The following PPP2R5E variants were observed in gnomAD, a reference collection of about 807,000 sequenced individuals.
PPP2R5E encodes protein phosphatase 2 regulatory subunit B'epsilon.
In PPP2R5E, 4 loss-of-function variants were observed where a neutral mutation model predicts 65.3. The ratio of observed to expected loss-of-function variants is 0.06; its 90% CI spans 0.03 to 0.14. The LOEUF (loss-of-function observed/expected upper bound fraction) is 0.14, where lower values mean the gene tolerates loss of function less well. PPP2R5E is among the 10% of genes least tolerant of loss of function. The probability of loss-of-function intolerance (pLI) is 1.00; values close to 1 mark genes in which losing one functional copy is unlikely to be tolerated. For missense variants in PPP2R5E, 274 were observed against 556.1 expected (o/e 0.49, Z 5.10); for synonymous variants, 183 against 187.4 (o/e 0.98, Z 0.19).
At chr14:63,424,607 C>A (rs1001614502) in intron 3 of PPP2R5E, among the ~76,000 whole-genome samples, 1 of 151,924 alleles carries the variant, frequency 6.6e-6, no homozygotes, top group African/African-American at 2.4e-5. Context: ...AAAAATTAGC[C>A]GGGTGTGGTG....
At chr14:63,490,144 T>C (rs1594934504) in intron 2 of PPP2R5E, among the ~76,000 whole-genome samples, 1 of 152,200 alleles carries the variant, frequency 6.6e-6, no homozygotes, top group Non-Finnish European at 1.5e-5. Context: ...TAGCAGCCAC[T>C]AGCCACATAT....
intron 3 of PPP2R5E, among the ~76,000 whole-genome samples, chr14:63,428,218 T>C (rs187798695): frequency 1.1e-3 from 162 of 152,272 alleles, no homozygotes; most frequent in African/African-American, 3.7e-3. Context: ...CTTCCTCACA[T>C]CCCTTCTTTT....
chr14:63,420,770 A>AACCATGAATACATTTCTAC (rs1594854351), intron 4 of PPP2R5E, among the ~76,000 whole-genome samples: 1 of 144,576 alleles, frequency 6.9e-6, no homozygotes, highest in African/African-American at 2.8e-5. Context: ...AGTCAACCTG[A>AACCATGAATACATTTCTAC]GGCCGGGCGC....
chr14:63,525,199 T>C (rs541023120), intron 2 of PPP2R5E, among the ~76,000 whole-genome samples: 10 of 152,210 alleles, frequency 6.6e-5, no homozygotes, highest in Non-Finnish European at 7.3e-5. Flanking sequence ...TGCTAACCTA[T>C]TTCTTTACCA....
chr14:63,436,393 C>CA (rs1428014689), intron 3 of PPP2R5E, among the ~76,000 whole-genome samples: 1 of 152,090 alleles, frequency 6.6e-6, no homozygotes, highest in Non-Finnish European at 1.5e-5. Flanking sequence ...ATTGAAATCA[C>CA]AAAAAATAAA....
chr14:63,519,896 G>C (rs941769718), intron 2 of PPP2R5E, among the ~76,000 whole-genome samples: 2 of 149,900 alleles, frequency 1.3e-5, no homozygotes, highest in East Asian at 4.0e-4. Context: ...TCCTGACCTC[G>C]TGATCCGCCC....
intron 5 of PPP2R5E, among the ~76,000 whole-genome samples, chr14:63,408,161 T>A (rs1337661690): frequency 6.6e-6 from 1 of 152,204 alleles, no homozygotes; most frequent in East Asian, 1.9e-4. Flanking sequence ...TATTTCACTA[T>A]ATGAATGTCC....
rs1331044838 is a variant in PPP2R5E at position 63,508,254 on chromosome 14, G to A, written c.157+31275C>T. 28 of 983,088 alleles carry A rather than the reference G, an allele frequency of 2.8e-5. No homozygotes were observed. In the South Asian group the frequency reaches 5.2e-4, roughly 18 times the overall value. The allele number at this position is 983,088 out of a possible 1,614,324, so 60.9% of individuals were successfully genotyped here. A position where few individuals can be genotyped will look rare whatever the true frequency, so the allele number is the denominator to read the frequency against. On this transcript the variant is annotated intron_variant, in intron 2 of 13. Coordinates refer to ENST00000337537, the MANE Select transcript of PPP2R5E (RefSeq NM_006246.5). ...ACAAATGCTTTCCTCTCTAAACCACGCGGCTCACTTGTTTACCCCAATGCT... is the reference window on the plus strand; with the variant it reads ...ACAAATGCTTTCCTCTCTAAACCACACGGCTCACTTGTTTACCCCAATGCT...
rs397814218 is a variant in PPP2R5E at position 63,399,366 on chromosome 14, C to CTTTTTTTTTTTTT, written c.550-2663_550-2651dup. Among the ~76,000 whole-genome samples the CTTTTTTTTTTTTT allele has an allele frequency of 3.3e-4, 16 of 48,506 alleles. 2 individuals carry two copies. Among genetic ancestry groups the CTTTTTTTTTTTTT allele is most frequent in the African/African-American group, 4.2e-4 (5 of 12,000 alleles). 31.8% of individuals were successfully genotyped at this position (48,506 alleles called of 152,430 possible). On this transcript the variant is annotated intron_variant, in intron 5 of 13. Coordinates refer to ENST00000337537, the MANE Select transcript of PPP2R5E (RefSeq NM_006246.5). ...GCTACTAATAGGTCTGGATTTCTTTCTTTTTTTTTTTTTTTTTTTTTTTTT... is the reference window on the plus strand; with the variant it reads ...GCTACTAATAGGTCTGGATTTCTTTCTTTTTTTTTTTTTTTTTTTTTTTTTTTTTTTTTTTTTT...
At chr14:63,444,126 C>G (rs1367314665) in intron 3 of PPP2R5E, among the ~76,000 whole-genome samples, 1 of 152,218 alleles carries the variant, frequency 6.6e-6, no homozygotes, top group Admixed American at 6.5e-5. Context: ...ACATCCACAT[C>G]TTCAGCTGCC....
intron 11 of PPP2R5E, among the ~76,000 whole-genome samples, chr14:63,386,255 C>T (rs12432261): frequency 0.038 from 5,846 of 152,224 alleles, 234 homozygotes; most frequent in East Asian, 0.12. Context: ...ACAATCATTA[C>T]TGCATGTTCA....
chr14:63,448,317 A>ATAAT (rs1433646762), intron 3 of PPP2R5E, among the ~76,000 whole-genome samples: 1 of 152,042 alleles, frequency 6.6e-6, no homozygotes, highest in Non-Finnish European at 1.5e-5. Flanking sequence ...AAATAAATAA[A>ATAAT]TAATTTTTAA....
chr14:63,424,517 C>T (rs1343627651), intron 3 of PPP2R5E, among the ~76,000 whole-genome samples: 2 of 152,000 alleles, frequency 1.3e-5, no homozygotes, highest in Non-Finnish European at 1.5e-5. Flanking sequence ...TTTGAGAGGC[C>T]GAGGCGGGCG....
At chr14:63,504,784 T>C (rs565235729) in intron 2 of PPP2R5E, among the ~76,000 whole-genome samples, 1 of 152,070 alleles carries the variant, frequency 6.6e-6, no homozygotes, top group South Asian at 2.1e-4. Flanking sequence ...GGGCATAGCA[T>C]AAAATATGTG....
At chr14:63,435,371 G>T (rs541501345) in intron 3 of PPP2R5E, among the ~76,000 whole-genome samples, 1 of 151,658 alleles carries the variant, frequency 6.6e-6, no homozygotes, top group East Asian at 1.9e-4. Context: ...GATAAGGGTG[G>T]AGAAAAAAAA....
intron 5 of PPP2R5E, among the ~76,000 whole-genome samples, chr14:63,408,242 T>C (rs1302903050): frequency 1.6e-5 from 2 of 126,168 alleles, no homozygotes; most frequent in Non-Finnish European, 3.0e-5. Flanking sequence ...TTAGCAATGG[T>C]GCATTCAATA....
chr14:63,493,171 TAGTC>T (rs1015947757), intron 2 of PPP2R5E, among the ~76,000 whole-genome samples: 5 of 151,806 alleles, frequency 3.3e-5, no homozygotes, highest in African/African-American at 9.7e-5. Context: ...GCACTGTTGA[TAGTC>T]AGGCCCAGAT....
chr14:63,532,749 G>A (rs899119201), intron 2 of PPP2R5E, among the ~76,000 whole-genome samples: 2 of 152,190 alleles, frequency 1.3e-5, no homozygotes, highest in Non-Finnish European at 2.9e-5. Flanking sequence ...TGGTAAGCTA[G>A]GACTCTTGAG....
At chr14:63,467,243 C>CAAAAA (rs978615067) in intron 2 of PPP2R5E, among the ~76,000 whole-genome samples, 1 of 122,802 alleles carries the variant, frequency 8.1e-6, no homozygotes, top group Non-Finnish European at 1.7e-5. Context: ...AACAAACAAA[C>CAAAAA]AAAAAAAACA....
Sources: gnomAD v4.1 joint callset for allele counts (sites outside exome capture counted in the v4.1 genomes callset) on GRCh38, gnomAD v4.1.1 for gene constraint, MANE v1.5 for transcripts, NCBI Gene and HGNC (gene_info 2026-07-23, HGNC 2026-07-21) for gene names.